Variants in ASIC2 observed in about 807,000 individuals in gnomAD.
The protein encoded by ASIC2 is acid-sensing ion channel 2.
ASIC2 carries 25 observed loss-of-function variants against 57.3 expected under a neutral mutation model. That is an observed-to-expected ratio of 0.44 (90% CI 0.32 to 0.61). The LOEUF (loss-of-function observed/expected upper bound fraction) is 0.61. Among genes scored for constraint, ASIC2 ranks in the 20% least tolerant of loss-of-function variants. ASIC2 has a pLI of 0.06. For synonymous variants in ASIC2, 319 were observed against 307.5 expected (o/e 1.04, Z -0.39); for missense variants, 641 against 738.1 (o/e 0.87, Z 1.52).
At chr17:34,122,413 T>C (rs575002517) in intron 1 of ASIC2, among the ~76,000 whole-genome samples, 149 of 152,356 alleles carry the variant, frequency 9.8e-4, no homozygotes, top group African/African-American at 3.5e-3. Flanking sequence ...TTAAAAGTTA[T>C]TCCCTGTGGT....
At chr17:33,935,699 G>T (rs958160817) in intron 1 of ASIC2, 1 of 152,160 alleles carries the variant, frequency 6.6e-6, no homozygotes. Flanking sequence ...CTCTCCTGGG[G>T]TCATACTTTT....
At chr17:33,912,541 T>C (rs1915490636) in intron 1 of ASIC2, among the ~76,000 whole-genome samples, 1 of 151,998 alleles carries the variant, frequency 6.6e-6, no homozygotes, top group Non-Finnish European at 1.5e-5. Flanking sequence ...TTATAGGCAA[T>C]TCTGAGCACC....
chr17:33,588,559 A>G (rs1184405380), intron 1 of ASIC2, among the ~76,000 whole-genome samples: 1 of 152,160 alleles, frequency 6.6e-6, no homozygotes, highest in African/African-American at 2.4e-5. Flanking sequence ...GTTTTCCTGG[A>G]TGCTGGGAGG....
At chr17:33,856,589 C>CAGTAGAAGTGGTGGTGGTGG (rs1913961684) in intron 1 of ASIC2, among the ~76,000 whole-genome samples, 1 of 18,846 alleles carries the variant, frequency 5.3e-5, no homozygotes. Context: ...GCTGTAGTAT[C>CAGTAGAAGTGGTGGTGGTGG]CTAACAGGAA....
chr17:33,585,836 A>G (rs1904611247), intron 1 of ASIC2, among the ~76,000 whole-genome samples: 2 of 152,084 alleles, frequency 1.3e-5, no homozygotes, highest in African/African-American at 4.8e-5. Context: ...TATATCTTTT[A>G]CTTTATTACA....
chr17:33,186,540 T>C (rs1906202929), intron 1 of ASIC2, among the ~76,000 whole-genome samples: 1 of 152,232 alleles, frequency 6.6e-6, no homozygotes, highest in Non-Finnish European at 1.5e-5. Context: ...AGAGATTTTC[T>C]TATTTAAGCT....
chr17:33,728,374 C>G (rs968306200), intron 1 of ASIC2, among the ~76,000 whole-genome samples: 2 of 152,148 alleles, frequency 1.3e-5, no homozygotes, highest in African/African-American at 4.8e-5. Context: ...GGCTTTCCCC[C>G]CTACCCTATC....
chr17:33,376,305 T>C (rs2347154), intron 1 of ASIC2, among the ~76,000 whole-genome samples: 16,287 of 152,076 alleles, frequency 0.11, 2,630 homozygotes, highest in African/African-American at 0.35. Context: ...GGGGTGCTCC[T>C]TTGAATCACA....
chr17:33,579,443 G>A (rs932467934), intron 1 of ASIC2, among the ~76,000 whole-genome samples: 1 of 152,058 alleles, frequency 6.6e-6, no homozygotes, highest in African/African-American at 2.4e-5. Context: ...TAGGGCTGCG[G>A]GGTACCCATC....
chr17:33,342,337 C>T (rs557751276), intron 1 of ASIC2, among the ~76,000 whole-genome samples: 149 of 150,514 alleles, frequency 9.9e-4, no homozygotes, highest in Non-Finnish European at 1.7e-3. Context: ...TGTGTGTGTA[C>T]GTGTGTGTGT....
chr17:34,061,165 C>T (rs905522710), intron 1 of ASIC2, among the ~76,000 whole-genome samples: 1 of 152,164 alleles, frequency 6.6e-6, no homozygotes, highest in Non-Finnish European at 1.5e-5. Flanking sequence ...AGAAACCCAA[C>T]AAACTAGAAG....
intron 1 of ASIC2, among the ~76,000 whole-genome samples, chr17:33,758,341 A>AT: frequency 6.6e-6 from 1 of 152,192 alleles, no homozygotes; most frequent in Non-Finnish European, 1.5e-5. Flanking sequence ...CATATTCAAT[A>AT]TTTTTTGAGA....
chr17:34,054,774 T>C (rs1467470224), intron 1 of ASIC2, among the ~76,000 whole-genome samples: 1 of 152,114 alleles, frequency 6.6e-6, no homozygotes, highest in African/African-American at 2.4e-5. Context: ...CACTGATGCA[T>C]AGAGACTCAG....
chr17:33,427,904 T>C (rs1256652292), intron 1 of ASIC2, among the ~76,000 whole-genome samples: 1 of 152,232 alleles, frequency 6.6e-6, no homozygotes, highest in East Asian at 1.9e-4. Flanking sequence ...ACACCGTGGC[T>C]CTGTCTTTCT....
intron 1 of ASIC2, among the ~76,000 whole-genome samples, chr17:33,356,711 T>G (rs1308758633): frequency 2.6e-5 from 4 of 152,166 alleles, no homozygotes; most frequent in Admixed American, 2.6e-4. Context: ...CTGCACAATT[T>G]GGATGGAGCG....
chr17:33,407,641 A>G (rs995767537), intron 1 of ASIC2, among the ~76,000 whole-genome samples: 4 of 152,266 alleles, frequency 2.6e-5, no homozygotes, highest in African/African-American at 9.6e-5. Context: ...TTAATAAAAT[A>G]AAGTTAGTAA....
At chr17:33,417,220 G>C (rs1043605624) in intron 1 of ASIC2, among the ~76,000 whole-genome samples, 1 of 152,078 alleles carries the variant, frequency 6.6e-6, no homozygotes, top group African/African-American at 2.4e-5. Context: ...ACATTTCTTA[G>C]AATCTTTAAT....
intron 1 of ASIC2, among the ~76,000 whole-genome samples, chr17:33,545,233 G>T (rs533167818): frequency 1.2e-4 from 19 of 152,206 alleles, no homozygotes; most frequent in Admixed American, 6.5e-5. Context: ...GCCTTCAGTA[G>T]CTGTTGGTTC....
In ASIC2 at chr17:33,596,911, C is replaced by A. The variant is rs146972728; in HGVS notation, c.556-484844G>T. On this transcript the variant is annotated intron_variant, in intron 1 of 9. Transcript: ENST00000359872. ...AAAAGAGTACTCCAGAGAGGTTTAG[C>A]AACTTGCACAAAGTCAAACAGCTCA... 1.2e-4 allele frequency among the ~76,000 whole-genome samples: 18 copies of A among 152,344 alleles called. No homozygotes were observed. The East Asian group carries it at 3.3e-3, about 28-fold the overall frequency.
Sources: allele counts gnomAD v4.1 joint callset (sites outside exome capture counted in the v4.1 genomes callset), GRCh38; gene constraint gnomAD v4.1.1; transcripts MANE v1.5; gene names NCBI Gene and HGNC (gene_info 2026-07-23, HGNC 2026-07-21).